Variants in BMP6 observed in about 807,000 individuals in gnomAD.
The protein encoded by BMP6 is bone morphogenetic protein 6, also known as VG-1-R.
BMP6 carries 17 observed loss-of-function variants against 54.1 expected under a neutral mutation model. The ratio of observed to expected loss-of-function variants is 0.31; its 90% confidence interval spans 0.22 to 0.47. BMP6 has a LOEUF of 0.47. Among genes scored for constraint, BMP6 ranks in the 20% least tolerant of loss-of-function variants. BMP6 has a pLI of 1.00. For synonymous variants in BMP6, 328 were observed against 291.2 expected (o/e 1.13, Z -1.28); for missense variants, 720 against 690.4 (o/e 1.04, Z -0.48).
intron 1 of BMP6, among the ~76,000 whole-genome samples, chr6:7,732,750 A>T (rs1761888256): frequency 6.6e-6 from 1 of 152,104 alleles, no homozygotes; most frequent in African/African-American, 2.4e-5. Context: ...TCTTTGCCTC[A>T]CTCCTATTTA....
At chr6:7,828,799 T>A (rs1279742277) in intron 1 of BMP6, among the ~76,000 whole-genome samples, 1 of 152,068 alleles carries the variant, frequency 6.6e-6, no homozygotes, top group East Asian at 1.9e-4. Flanking sequence ...ACCGTTTCGG[T>A]GTTGTTGAGG....
chr6:7,856,753 C>T (rs1420382866), intron 2 of BMP6, among the ~76,000 whole-genome samples: 2 of 150,142 alleles, frequency 1.3e-5, no homozygotes, highest in Non-Finnish European at 3.0e-5. Flanking sequence ...CCCGCCACTA[C>T]GCCCGGCTAA....
chr6:7,840,391 T>C (rs1203721506), intron 1 of BMP6, among the ~76,000 whole-genome samples: 1 of 152,204 alleles, frequency 6.6e-6, no homozygotes, highest in African/African-American at 2.4e-5. Context: ...TGGGTGATGG[T>C]TTCCTTGGTG....
intron 1 of BMP6, among the ~76,000 whole-genome samples, chr6:7,740,264 C>A (rs1762022009): frequency 6.6e-6 from 1 of 152,154 alleles, no homozygotes; most frequent in South Asian, 2.1e-4. Flanking sequence ...ACGTGTTTGC[C>A]TTCTCTCTTA....
chr6:7,782,583 G>A (rs1023350695), intron 1 of BMP6, among the ~76,000 whole-genome samples: 5 of 152,122 alleles, frequency 3.3e-5, no homozygotes, highest in African/African-American at 7.2e-5. Flanking sequence ...GGTGGCCCAC[G>A]CCTGCAGTCC....
At chr6:7,729,538 T>C (rs1761814446) in intron 1 of BMP6, among the ~76,000 whole-genome samples, 1 of 151,900 alleles carries the variant, frequency 6.6e-6, no homozygotes, top group African/African-American at 2.4e-5. Flanking sequence ...GGACTTAGAG[T>C]TCTAGGGTTA....
chr6:7,805,655 A>G (rs1581255099), intron 1 of BMP6, among the ~76,000 whole-genome samples: 1 of 152,322 alleles, frequency 6.6e-6, no homozygotes, highest in African/African-American at 2.4e-5. Flanking sequence ...ACTAGCGCCT[A>G]TTTCATTATG....
rs537332654 is a variant in BMP6 at position 7,727,289 on chromosome 6, GAGC to G, written c.353_355del (p.Gln118del). On this transcript the variant is annotated inframe_deletion, in exon 1 of 7. Coordinates refer to ENST00000283147, the MANE Select transcript of BMP6 (RefSeq NM_001718.6). ...GCCCCCGGCGCTCCGGCAGCAGGAG[GAGC>G]AGCAGCAGCAGCAGCAGCTGCCTCG... 301 of 1,602,708 alleles carry G rather than the reference GAGC, an allele frequency of 1.9e-4. No homozygotes were observed. Among genetic ancestry groups the G allele is most frequent in the Admixed American group, 3.4e-4 (20 of 59,210 alleles).
chr6:7,733,896 T>C (rs1761914406), intron 1 of BMP6, among the ~76,000 whole-genome samples: 1 of 152,154 alleles, frequency 6.6e-6, no homozygotes, highest in Non-Finnish European at 1.5e-5. Context: ...GAGTTAACTC[T>C]AATTTTTCAG....
At chr6:7,847,870 T>C (rs888041779) in intron 2 of BMP6, among the ~76,000 whole-genome samples, 2 of 152,212 alleles carry the variant, frequency 1.3e-5, no homozygotes, top group Non-Finnish European at 2.9e-5. Context: ...ACGGTACTTT[T>C]AGTAAGAACA....
At chr6:7,748,296 G>A (rs925392127) in intron 1 of BMP6, among the ~76,000 whole-genome samples, 1 of 152,108 alleles carries the variant, frequency 6.6e-6, no homozygotes, top group African/African-American at 2.4e-5. Flanking sequence ...CCCAGTGGTT[G>A]GTACCTCTTA....
At chr6:7,742,202 A>T (rs1757276087) in intron 1 of BMP6, among the ~76,000 whole-genome samples, 1 of 152,194 alleles carries the variant, frequency 6.6e-6, no homozygotes, top group Admixed American at 6.5e-5. Flanking sequence ...GTGACTTTCT[A>T]AATTTTTTTA....
In BMP6 at chr6:7,820,730, CGT is replaced by C. The variant is rs367803282; in HGVS notation, c.665-24405_665-24404del. Among the ~76,000 whole-genome samples the C allele has an allele frequency of 2.1e-3, 318 of 152,266 alleles. 2 individuals carry two copies. The highest frequency in any genetic ancestry group is 0.018 in the South Asian group (88 of 4,824). On this transcript the variant is annotated intron_variant, in intron 1 of 6. Coordinates refer to ENST00000283147, the MANE Select transcript of BMP6 (RefSeq NM_001718.6). ...TTCATCTTTCCCTTATCCCCTAGCA[CGT>C]GTGTCTTAGGCAGCAGTCCCAACCT...
chr6:7,804,304 CACTT>C (rs2113201843), intron 1 of BMP6, among the ~76,000 whole-genome samples: 1 of 151,662 alleles, frequency 6.6e-6, no homozygotes, highest in Admixed American at 6.6e-5. Flanking sequence ...TTTAAACTCT[CACTT>C]AAAACTTACA....
At chr6:7,833,516 C>T (rs1178101215) in intron 1 of BMP6, among the ~76,000 whole-genome samples, 1 of 152,128 alleles carries the variant, frequency 6.6e-6, no homozygotes, top group Non-Finnish European at 1.5e-5. Context: ...GAAGTATGCC[C>T]AGCAGTAAGA....
At chr6:7,832,778 G>A (rs1344229312) in intron 1 of BMP6, among the ~76,000 whole-genome samples, 1 of 148,726 alleles carries the variant, frequency 6.7e-6, no homozygotes, top group East Asian at 2.0e-4. Context: ...CAAAATTTGG[G>A]TTCTGTAACA....
chr6:7,820,271 G>C (rs1448239580), intron 1 of BMP6, among the ~76,000 whole-genome samples: 1 of 152,110 alleles, frequency 6.6e-6, no homozygotes, highest in African/African-American at 2.4e-5. Flanking sequence ...CTTTTGTTTT[G>C]AGATTGCTTT....
chr6:7,849,099 AAGTACCGGAAAGAGGT>A (rs1759107092), intron 2 of BMP6, among the ~76,000 whole-genome samples: 1 of 152,200 alleles, frequency 6.6e-6, no homozygotes, highest in African/African-American at 2.4e-5. Context: ...GATAAAGACG[AAGTACCGGAAAGAGGT>A]AAGCAACCTC....
chr6:7,772,087 C>G (rs993877250), intron 1 of BMP6, among the ~76,000 whole-genome samples: 14 of 151,876 alleles, frequency 9.2e-5, no homozygotes, highest in African/African-American at 3.4e-4. Flanking sequence ...AAAAACAAAC[C>G]CAAAAAAACC....
Sources: allele counts gnomAD v4.1 joint callset (sites outside exome capture counted in the v4.1 genomes callset), GRCh38; gene constraint gnomAD v4.1.1; transcripts MANE v1.5; gene names NCBI Gene and HGNC (gene_info 2026-07-23, HGNC 2026-07-21).